The following ATP8A2 variants were observed in gnomAD, a reference collection of about 807,000 sequenced individuals.
ATP8A2 encodes phospholipid-transporting ATPase IB.
Under a neutral mutation model 165.6 loss-of-function variants are expected in ATP8A2, and 100 were observed. The observed-to-expected ratio is 0.60, with a 90% CI of 0.51 to 0.71. The LOEUF is 0.71. Ranked by LOEUF, ATP8A2 falls within the 30% of genes least tolerant of loss-of-function variation. ATP8A2 has a pLI of 0.00. For missense variants in ATP8A2, 1,227 were observed against 1,479.5 expected, an observed-to-expected ratio of 0.83 and a Z score of 2.80; for synonymous variants, 543 against 548.8, an observed-to-expected ratio of 0.99 and a Z score of 0.15.
chr13:25,620,642 T>C (rs1382220269), intron 24 of ATP8A2, among the ~76,000 whole-genome samples: 3 of 152,280 alleles, frequency 2.0e-5, no homozygotes, highest in East Asian at 3.9e-4. Context: ...CCTGTGTAAA[T>C]TGAGAAGAGT....
chr13:25,508,337 T>C (rs1388854100), intron 2 of ATP8A2, among the ~76,000 whole-genome samples: 1 of 152,190 alleles, frequency 6.6e-6, no homozygotes, highest in Non-Finnish European at 1.5e-5. Context: ...GCAATCGATC[T>C]CCTAGAATTA....
chr13:25,942,639 G>C (rs1313796456), intron 33 of ATP8A2, among the ~76,000 whole-genome samples: 1 of 152,178 alleles, frequency 6.6e-6, no homozygotes, highest in Non-Finnish European at 1.5e-5. Context: ...GGCCAGGCTG[G>C]TCTCAAATCC....
At chr13:25,613,407 C>T (rs4491358) in intron 24 of ATP8A2, among the ~76,000 whole-genome samples, 1 of 152,138 alleles carries the variant, frequency 6.6e-6, no homozygotes, top group Non-Finnish European at 1.5e-5. Flanking sequence ...AACCTCGTCT[C>T]TACTAAAAAT....
At chr13:25,387,149 C>T (rs1369828917) in intron 1 of ATP8A2, among the ~76,000 whole-genome samples, 3 of 152,122 alleles carry the variant, frequency 2.0e-5, no homozygotes, top group African/African-American at 7.2e-5. Context: ...ACCGGAGAAA[C>T]ATTGCCGAGG....
At chr13:25,420,118 A>G (rs1261205106) in intron 1 of ATP8A2, among the ~76,000 whole-genome samples, 1 of 152,242 alleles carries the variant, frequency 6.6e-6, no homozygotes, top group Non-Finnish European at 1.5e-5. Context: ...CAGACTTAAT[A>G]TTGGGAGCAT....
intron 18 of ATP8A2, 69 bp from the exon 19 acceptor site, chr13:25,574,739 T>G: frequency 1.1e-6 from 1 of 894,288 alleles, no homozygotes; most frequent in Admixed American, 1.8e-5. Flanking sequence ...CTGTTTATGC[T>G]TGGGAGACAA....
At chr13:25,933,688 CCCAGT>C (rs1177749435) in intron 33 of ATP8A2, among the ~76,000 whole-genome samples, 2 of 152,168 alleles carry the variant, frequency 1.3e-5, no homozygotes, top group Non-Finnish European at 2.9e-5. Flanking sequence ...TGCACTCAAG[CCCAGT>C]CTAAGGCAGC....
At chr13:25,708,589 T>C (rs2137965129) in intron 25 of ATP8A2, among the ~76,000 whole-genome samples, 1 of 152,168 alleles carries the variant, frequency 6.6e-6, no homozygotes, top group East Asian at 1.9e-4. Flanking sequence ...CCTATGACTT[T>C]AAAAACCATA....
chr13:25,425,719 T>G (rs1484066482), intron 1 of ATP8A2, among the ~76,000 whole-genome samples: 1 of 152,114 alleles, frequency 6.6e-6, no homozygotes, highest in East Asian at 1.9e-4. Context: ...GGACTACAAG[T>G]GCCCACCACC....
intron 33 of ATP8A2, among the ~76,000 whole-genome samples, chr13:25,935,055 T>C (rs911906792): frequency 3.9e-5 from 6 of 152,192 alleles, no homozygotes; most frequent in Non-Finnish European, 8.8e-5. Flanking sequence ...CTAAGCTATA[T>C]ATATATGTAA....
At chr13:25,583,261 C>G (rs2039825698) in intron 23 of ATP8A2, among the ~76,000 whole-genome samples, 1 of 152,114 alleles carries the variant, frequency 6.6e-6, no homozygotes, top group Non-Finnish European at 1.5e-5. Flanking sequence ...TAAGTTTGGC[C>G]TAAAACACCT....
chr13:25,542,199 GA>G (rs2038500624), intron 9 of ATP8A2, among the ~76,000 whole-genome samples, 153 bp downstream of exon 9: 1 of 151,976 alleles, frequency 6.6e-6, no homozygotes, highest in Non-Finnish European at 1.5e-5. Flanking sequence ...TTAGATTTAA[GA>G]AAAAAACCCT....
chr13:25,880,990 G>A (rs1204471711), intron 33 of ATP8A2: 1 of 454,424 alleles, frequency 2.2e-6, no homozygotes, highest in Admixed American at 2.4e-5. Flanking sequence ...TTGAGTTTGT[G>A]TAGACCTGGG....
chr13:25,470,351 G>A (rs201373652), intron 2 of ATP8A2, among the ~76,000 whole-genome samples: 1 of 152,306 alleles, frequency 6.6e-6, no homozygotes, highest in East Asian at 1.9e-4. Flanking sequence ...TGTGGGCTTC[G>A]TTTAAGATAC....
intron 2 of ATP8A2, among the ~76,000 whole-genome samples, chr13:25,493,366 A>AAAT (rs1291088107): frequency 6.6e-6 from 1 of 152,162 alleles, no homozygotes; most frequent in South Asian, 2.1e-4. Context: ...TTTTGAAGTT[A>AAAT]CATAAGAAAA....
intron 24 of ATP8A2, among the ~76,000 whole-genome samples, chr13:25,661,108 G>A (rs9319230): frequency 0.12 from 18,944 of 152,104 alleles, 1,348 homozygotes; most frequent in Admixed American, 0.2. Flanking sequence ...CACTACATGT[G>A]GGTATGGTAT....
In ATP8A2 at chr13:26,022,225, A is replaced by G. The variant is rs1957091242; in HGVS notation, c.*2240A>G. 6.6e-6 allele frequency: 1 copy of G among 152,236 alleles called. No individual in the cohort carries two copies. The highest frequency in any genetic ancestry group is 1.5e-5 in the Non-Finnish European group (1 of 68,050). 9.4% of individuals were successfully genotyped at this position (152,236 alleles called of 1,614,324 possible). A position where few individuals can be genotyped will look rare whatever the true frequency, so the allele number is the denominator to read the frequency against. On this transcript the variant is annotated 3_prime_UTR_variant, in exon 37 of 37. Transcript: ENST00000381655. ...TGGCCAAGATACAGAGGAGAAACGA[A>G]AACTGGAATTGAATGTGCATTAGGC...
intron 2 of ATP8A2, among the ~76,000 whole-genome samples, chr13:25,518,604 G>A (rs1008255546): frequency 5.3e-5 from 8 of 152,256 alleles, no homozygotes; most frequent in East Asian, 1.9e-4. Flanking sequence ...TGAACTTTGC[G>A]TCTTTTAAAT....
At chr13:25,631,189 T>C (rs2041231855) in intron 24 of ATP8A2, among the ~76,000 whole-genome samples, 2 of 152,126 alleles carry the variant, frequency 1.3e-5, no homozygotes, top group African/African-American at 4.8e-5. Flanking sequence ...ATCTTCAAAA[T>C]TGACAGCATC....
Sources: gnomAD v4.1 joint callset for allele counts (sites outside exome capture counted in the v4.1 genomes callset) on GRCh38, gnomAD v4.1.1 for gene constraint, MANE v1.5 for transcripts, NCBI Gene and HGNC (gene_info 2026-07-23, HGNC 2026-07-21) for gene names.